The following ZFYVE1 variants were observed in gnomAD, a reference collection of about 807,000 sequenced individuals.
ZFYVE1 encodes the protein zinc finger FYVE domain-containing protein 1.
A neutral mutation model predicts 74.4 loss-of-function variants in ZFYVE1; 30 were observed. The ratio of observed to expected loss-of-function variants is 0.40; its 90% confidence interval spans 0.30 to 0.55. The LOEUF is 0.55. Ranked by LOEUF, ZFYVE1 falls within the 20% of genes least tolerant of loss-of-function variation. ZFYVE1 has a pLI of 0.42. For missense variants in ZFYVE1, 703 were observed against 1,011.6 expected, an observed-to-expected ratio of 0.69 and a Z score of 4.14; for synonymous variants, 335 against 385.1, an observed-to-expected ratio of 0.87 and a Z score of 1.52.
At chr14:72,987,956 A>G (rs1594840656) in intron 4 of ZFYVE1, among the ~76,000 whole-genome samples, 2 of 152,326 alleles carry the variant, frequency 1.3e-5, no homozygotes, top group East Asian at 3.9e-4. Flanking sequence ...ACTAGGGCAG[A>G]AAACAGCTGC....
At chr14:73,019,203 A>G (rs1473501350) in intron 2 of ZFYVE1, among the ~76,000 whole-genome samples, 1 of 152,140 alleles carries the variant, frequency 6.6e-6, no homozygotes, top group Non-Finnish European at 1.5e-5. Context: ...TACTCAAATC[A>G]TACACAAAAA....
At chr14:72,977,343 T>C (rs1594831300) in intron 8 of ZFYVE1, among the ~76,000 whole-genome samples, 2 of 152,048 alleles carry the variant, frequency 1.3e-5, no homozygotes, top group African/African-American at 2.4e-5. Flanking sequence ...GAGGTGGAGA[T>C]TGCAGTGAGC....
intron 2 of ZFYVE1, among the ~76,000 whole-genome samples, chr14:73,015,055 A>G (rs1379824302): frequency 6.6e-6 from 1 of 151,142 alleles, no homozygotes; most frequent in African/African-American, 2.4e-5. Flanking sequence ...ACATGGTGAA[A>G]CCCCGTCTCT....
At chr14:72,996,709 C>T (rs1286792439) in intron 3 of ZFYVE1, among the ~76,000 whole-genome samples, 2 of 152,176 alleles carry the variant, frequency 1.3e-5, no homozygotes, top group Admixed American at 1.3e-4. Flanking sequence ...GTGTAGTGTC[C>T]TTGCTCTGGA....
chr14:72,980,536 A>AATTT (rs777150047), intron 5 of ZFYVE1, among the ~76,000 whole-genome samples: 5,699 of 81,320 alleles, frequency 0.07, 149 homozygotes, highest in Middle Eastern at 0.18. Context: ...AGAATTAATT[A>AATTT]ATTTATTTAT....
At chr14:72,983,664 G>A (rs548153321) in intron 4 of ZFYVE1, among the ~76,000 whole-genome samples, 11 of 152,194 alleles carry the variant, frequency 7.2e-5, no homozygotes, top group Middle Eastern at 3.4e-3. Flanking sequence ...ATAAACATAC[G>A]TGTGCATGTG....
chr14:72,971,177 A>T (rs1893025294), intron 11 of ZFYVE1, 63 bp from the exon 12 acceptor site: 1 of 1,558,620 alleles, frequency 6.4e-7, no homozygotes, highest in Non-Finnish European at 8.8e-7. Context: ...AACTAGCAAG[A>T]GGCCATCCTC....
At chr14:72,996,450 A>G (rs1233067457) in intron 3 of ZFYVE1, among the ~76,000 whole-genome samples, 2 of 151,990 alleles carry the variant, frequency 1.3e-5, no homozygotes, top group East Asian at 1.9e-4. Flanking sequence ...CTGGAGTGCA[A>G]TAACACGATC....
chr14:73,023,439 A>G (rs1411902609), intron 2 of ZFYVE1, among the ~76,000 whole-genome samples: 1 of 132,494 alleles, frequency 7.5e-6, no homozygotes, highest in African/African-American at 2.8e-5. Context: ...TATTATATAT[A>G]TATTTTATAT....
intron 4 of ZFYVE1, among the ~76,000 whole-genome samples, chr14:72,982,097 G>A (rs1250246976): frequency 1.3e-5 from 2 of 152,162 alleles, no homozygotes; most frequent in African/African-American, 2.4e-5. Context: ...TCCCCAAGAG[G>A]TCAAGATAAG....
At chr14:73,016,999 A>G (rs1894216531) in intron 2 of ZFYVE1, among the ~76,000 whole-genome samples, 1 of 152,150 alleles carries the variant, frequency 6.6e-6, no homozygotes, top group African/African-American at 2.4e-5. Flanking sequence ...AGGAGCAAAC[A>G]GAACTAAAAG....
chr14:72,978,110 A>T, intron 7 of ZFYVE1, 27 bp downstream of exon 7: 1 of 1,613,836 alleles, frequency 6.2e-7, no homozygotes, highest in Non-Finnish European at 8.5e-7. Context: ...GCACCAGAAA[A>T]CCTTGAGCCA....
chr14:73,024,297 C>T lies in ZFYVE1; in HGVS notation c.212G>A (p.Cys71Tyr), dbSNP rs777197328. Reference protein sequence around the residue: ...IRLKPGHVPYCDLCKGLSGHL... With the variant: ...IRLKPGHVPYYDLCKGLSGHL... ...CCCACTGAGACCCTTGCAGAGGTCACAGTAAGGGACATGGCCAGGTTTGAG... is the reference window on the plus strand; with the variant it reads ...CCCACTGAGACCCTTGCAGAGGTCATAGTAAGGGACATGGCCAGGTTTGAG... Residue 71 changes from cysteine (C) to tyrosine (Y), a missense_variant, in exon 2 of 12, where the codon TGT (cysteine) becomes TAT (tyrosine). Cys to Tyr is a radical substitution (Grantham distance 194). This residue lies in a region of ZFYVE1 where 211 missense variants were observed against 221.7 expected (regional missense o/e 0.95). Coordinates refer to ENST00000556143, the MANE Select transcript of ZFYVE1 (RefSeq NM_021260.4). 4 of 1,614,174 alleles carry T rather than the reference C, an allele frequency of 2.5e-6. No individual in the cohort carries two copies. The South Asian group carries it at 3.3e-5, about 13-fold the overall frequency.
At chr14:73,026,263 C>A (rs1894458525) in intron 1 of ZFYVE1, among the ~76,000 whole-genome samples, 1 of 151,962 alleles carries the variant, frequency 6.6e-6, no homozygotes. Context: ...AAAATAACTT[C>A]AAAATACGAA....
chr14:73,024,560 C>T lies in ZFYVE1; in HGVS notation c.-52G>A. 1 of 1,526,836 alleles carries T rather than the reference C, an allele frequency of 6.5e-7. No homozygotes were observed. Among genetic ancestry groups the T allele is most frequent in the Non-Finnish European group, 8.8e-7 (1 of 1,138,258 alleles). The allele number at this position is 1,526,836 out of a possible 1,614,324, so 94.6% of individuals were successfully genotyped here. On this transcript the variant is annotated 5_prime_UTR_variant, in exon 2 of 12. Coordinates refer to ENST00000556143, the MANE Select transcript of ZFYVE1 (RefSeq NM_021260.4). ...ACCATATAATAGTCACTGAGCTTGCCCCGGGGGTGAAGACGAAGATTTGAG... is the reference window on the plus strand; with the variant it reads ...ACCATATAATAGTCACTGAGCTTGCTCCGGGGGTGAAGACGAAGATTTGAG...
intron 3 of ZFYVE1, among the ~76,000 whole-genome samples, chr14:72,997,549 T>C (rs1893776107): frequency 6.6e-6 from 1 of 152,080 alleles, no homozygotes; most frequent in African/African-American, 2.4e-5. Context: ...CCCCCCACCA[T>C]CTCAGGGAAC....
In ZFYVE1 at chr14:72,999,637, T is replaced by C. The variant is rs186051196; in HGVS notation, c.484-1322A>G. On this transcript the variant is annotated intron_variant, in intron 2 of 11. Coordinates refer to ENST00000556143, the MANE Select transcript of ZFYVE1 (RefSeq NM_021260.4). ...GAAGAAAACATTTGTAGATCAAATA[T>C]CTGATAAGGAGCCAGGCATGGTGGC... is the stretch of plus-strand genomic sequence containing the variant. Among the ~76,000 whole-genome samples the C allele has an allele frequency of 1.0e-3, 159 of 151,800 alleles. 1 individual carries two copies. The highest frequency in any genetic ancestry group is 3.4e-3 in the African/African-American group (139 of 41,394).
At chr14:72,987,950 G>C (rs978352006) in intron 4 of ZFYVE1, among the ~76,000 whole-genome samples, 8 of 152,182 alleles carry the variant, frequency 5.3e-5, no homozygotes, top group African/African-American at 2.4e-5. Context: ...CAAGCCACTA[G>C]GGCAGAAAAC....
Position 72,974,922 on chromosome 14 carries a change from T to A in ZFYVE1, c.1844A>T (p.Asp615Val), listed in dbSNP as rs142166482. 1.2e-6 allele frequency: 2 copies of A among 1,613,752 alleles called. No individual in the cohort carries two copies. Among genetic ancestry groups the A allele is most frequent in the African/African-American group, 2.7e-5 (2 of 75,000 alleles). ...NKCATSFKDN[D>V]TKHHCRACGE... ...ACAGGCTCGGCAGTGATGCTTAGTGTCGTTATCTTTAAAGGACGTCGCACA... is the reference window on the plus strand; with the variant it reads ...ACAGGCTCGGCAGTGATGCTTAGTGACGTTATCTTTAAAGGACGTCGCACA... Residue 615 changes from aspartate (D) to valine (V), a missense_variant, in exon 10 of 12, where the codon GAC (aspartate) becomes GTC (valine). Around this residue, in one of 2 missense-constraint regions of ZFYVE1, gnomAD observed 492 missense variants for 790.0 expected, o/e 0.62. Coordinates refer to ENST00000556143, the MANE Select transcript of ZFYVE1 (RefSeq NM_021260.4).
Sources: allele counts gnomAD v4.1 joint callset (sites outside exome capture counted in the v4.1 genomes callset), GRCh38; gene constraint gnomAD v4.1.1; regional missense constraint gnomAD v4.1.1; transcripts MANE v1.5; gene names NCBI Gene and HGNC (gene_info 2026-07-23, HGNC 2026-07-21).